CSMD3: variants seen among roughly 807,000 people sequenced by gnomAD.
The protein encoded by CSMD3 is CUB and Sushi multiple domains 3.
A neutral mutation model predicts 435.2 loss-of-function variants in CSMD3; 177 were observed. That is an observed-to-expected ratio of 0.41 (90% confidence interval 0.36 to 0.46). The LOEUF (loss-of-function observed/expected upper bound fraction) is 0.46, where lower values mean the gene tolerates loss of function less well. CSMD3 is among the 20% of genes least tolerant of loss of function. The probability of loss-of-function intolerance (pLI) is 0.34; values close to 1 mark genes in which losing one functional copy is unlikely to be tolerated. For missense variants in CSMD3, 4,265 were observed against 4,504.6 expected (o/e 0.95, Z 1.52); for synonymous variants, 1,656 against 1,520.5 (o/e 1.09, Z -2.07).
At chr8:112,235,136 C>A (rs555199277) in intron 67 of CSMD3, among the ~76,000 whole-genome samples, 2 of 152,072 alleles carry the variant, frequency 1.3e-5, no homozygotes, top group Non-Finnish European at 2.9e-5. Flanking sequence ...GAAGCCAAGG[C>A]GGACAGATGG....
At chr8:113,268,977 C>T (rs148623336) in intron 3 of CSMD3, among the ~76,000 whole-genome samples, 172 of 152,160 alleles carry the variant, frequency 1.1e-3, no homozygotes, top group African/African-American at 3.9e-3. Context: ...AGGGCAAAAG[C>T]TATCATGAAT....
chr8:112,478,161 A>G (rs560568044), intron 31 of CSMD3, among the ~76,000 whole-genome samples: 18 of 152,104 alleles, frequency 1.2e-4, no homozygotes, highest in African/African-American at 4.3e-4. Flanking sequence ...AGTCCAATAA[A>G]CCTCTTTCCT....
rs2083342760 is a variant in CSMD3, at chr8:112,938,149, T to C, written c.1508+9641A>G. Among the ~76,000 whole-genome samples, 3 of 152,122 alleles carry C rather than the reference T, an allele frequency of 2.0e-5. No homozygotes were observed. The South Asian group carries it at 6.2e-4, about 32-fold the overall frequency. On this transcript the variant is annotated intron_variant, in intron 9 of 70. Coordinates refer to ENST00000297405, the MANE Select transcript of CSMD3 (RefSeq NM_198123.2). ...ATCTGAGACCAGTTTTATCTATAAG[T>C]GCTGAAATAAGTTGCTGCAACATAA...
chr8:112,826,058 A>G (rs921454621), intron 12 of CSMD3, among the ~76,000 whole-genome samples: 4 of 152,262 alleles, frequency 2.6e-5, no homozygotes, highest in Middle Eastern at 3.4e-3. Flanking sequence ...TCCTGCAGGG[A>G]GGCCCAACCC....
chr8:112,324,570 G>GTTGTGT (rs1554642677), intron 45 of CSMD3, among the ~76,000 whole-genome samples: 4 of 99,870 alleles, frequency 4.0e-5, no homozygotes, highest in Non-Finnish European at 1.0e-4. Context: ...TGAAGCAAGG[G>GTTGTGT]GTGTGTGTGT....
chr8:112,373,292 A>T (rs978639287), intron 38 of CSMD3, among the ~76,000 whole-genome samples: 1 of 152,020 alleles, frequency 6.6e-6, no homozygotes, highest in African/African-American at 2.4e-5. Context: ...CCCCACTGTG[A>T]TTCTTCCCTT....
intron 11 of CSMD3, among the ~76,000 whole-genome samples, chr8:112,848,934 A>G (rs1357208989): frequency 6.6e-6 from 1 of 152,094 alleles, no homozygotes; most frequent in Non-Finnish European, 1.5e-5. Context: ...ATGGTAAGCC[A>G]TATTCTCTAA....
Position 112,289,450 on chromosome 8 carries a change from G to A in CSMD3, c.9063C>T (p.Cys3021=). ...YTFGSTVHYS[C]TGKRSLLGQS... is the part of the protein sequence containing the mutation. ...GGCCTAAAAGGGAACGCTTTCCTGT[G>A]CAGGAATAGTGAACAGTAGACCCAA... Residue 3021 remains cysteine, a synonymous_variant, in exon 57 of 71, where the codon TGC becomes TGT. Transcript: ENST00000297405. 5 of 1,613,220 alleles carry A rather than the reference G, an allele frequency of 3.1e-6. No homozygotes were observed. In the Admixed American group the frequency reaches 5.0e-5, roughly 16 times the overall value.
chr8:112,443,022 T>A (rs1290852078), intron 32 of CSMD3, among the ~76,000 whole-genome samples: 1 of 152,232 alleles, frequency 6.6e-6, no homozygotes, highest in Admixed American at 6.5e-5. Flanking sequence ...GTCTCTATCC[T>A]AATAATATAA....
chr8:112,543,479 A>G (rs1488518923), intron 27 of CSMD3, among the ~76,000 whole-genome samples: 2 of 152,182 alleles, frequency 1.3e-5, no homozygotes, highest in Non-Finnish European at 2.9e-5. Context: ...AGGTATATAA[A>G]GAAATGGTTA....
intron 61 of CSMD3, among the ~76,000 whole-genome samples, chr8:112,256,711 T>G (rs2130298847): frequency 6.6e-6 from 1 of 152,320 alleles, no homozygotes; most frequent in East Asian, 1.9e-4. Flanking sequence ...TTTAACGATT[T>G]TCAAATGTAC....
intron 59 of CSMD3, among the ~76,000 whole-genome samples, chr8:112,272,393 A>G (rs1817604924): frequency 6.6e-6 from 1 of 152,182 alleles, no homozygotes; most frequent in Non-Finnish European, 1.5e-5. Flanking sequence ...TAACTGGCCT[A>G]TAGTAACCAT....
At chr8:112,959,179 ATTAG>A (rs2084140383) in intron 7 of CSMD3, among the ~76,000 whole-genome samples, 1 of 152,078 alleles carries the variant, frequency 6.6e-6, no homozygotes, top group Non-Finnish European at 1.5e-5. Context: ...CATGTTTAGT[ATTAG>A]TTAGCAGAAC....
chr8:112,349,215 GAAGT>G (rs1411803262), intron 40 of CSMD3, among the ~76,000 whole-genome samples: 5 of 151,922 alleles, frequency 3.3e-5, no homozygotes, highest in Non-Finnish European at 7.4e-5. Flanking sequence ...TAACGAAAAA[GAAGT>G]AATTGCACAA....
At chr8:112,847,607 A>G (rs949299515) in intron 11 of CSMD3, among the ~76,000 whole-genome samples, 1 of 152,170 alleles carries the variant, frequency 6.6e-6, no homozygotes, top group Non-Finnish European at 1.5e-5. Context: ...TTTCAGGAAC[A>G]TAACTGAAGA....
At chr8:113,276,558 A>C (rs2093572162) in intron 3 of CSMD3, among the ~76,000 whole-genome samples, 1 of 152,168 alleles carries the variant, frequency 6.6e-6, no homozygotes, top group Non-Finnish European at 1.5e-5. Flanking sequence ...TCTTGCTAAC[A>C]ATCAGAATAC....
intron 11 of CSMD3, among the ~76,000 whole-genome samples, chr8:112,844,838 C>T (rs2080273556): frequency 6.6e-6 from 1 of 151,880 alleles, no homozygotes; most frequent in Admixed American, 6.6e-5. Context: ...CTTTTTCCTC[C>T]CCTATGCCGG....
intron 3 of CSMD3, among the ~76,000 whole-genome samples, chr8:113,215,148 T>C (rs972409161): frequency 2.6e-5 from 4 of 151,914 alleles, no homozygotes; most frequent in Non-Finnish European, 5.9e-5. Context: ...TGATCTTTAC[T>C]TACTGATATA....
At chr8:112,266,651 GT>G (rs1447200738) in intron 59 of CSMD3, among the ~76,000 whole-genome samples, 1 of 152,092 alleles carries the variant, frequency 6.6e-6, no homozygotes, top group Non-Finnish European at 1.5e-5. Context: ...TAATATTATC[GT>G]TTCTTTATAA....
Sources: gnomAD v4.1 joint callset for allele counts (sites outside exome capture counted in the v4.1 genomes callset) on GRCh38, gnomAD v4.1.1 for gene constraint, MANE v1.5 for transcripts, NCBI Gene and HGNC (gene_info 2026-07-23, HGNC 2026-07-21) for gene names.